Variants in PCDHA6 observed in about 807,000 individuals in gnomAD.
The protein encoded by PCDHA6 is protocadherin alpha 6, also known as protocadherin alpha-6.
PCDHA6 carries 55 observed loss-of-function variants against 60.3 expected under a neutral mutation model. The ratio of observed to expected loss-of-function variants is 0.91; its 90% CI spans 0.73 to 1.14. The LOEUF (loss-of-function observed/expected upper bound fraction) is 1.14. Ranked by LOEUF, PCDHA6 falls within the 50% of genes most tolerant of loss-of-function variation. The pLI, the probability that PCDHA6 is intolerant of heterozygous loss-of-function variation, is 0.00. For synonymous variants in PCDHA6, 652 were observed against 557.9 expected (o/e 1.17, Z -2.38); for missense variants, 1,327 against 1,256.5 (o/e 1.06, Z -0.85).
rs1489992894 is a variant in PCDHA6, at chr5:140,841,079, G to A, written c.2394+10594G>A. ...AAATTATGATAAAGAAATAGAAAGT[G>A]CATAGAAGAACCCAGATATTGCGGA... On this transcript the variant is annotated intron_variant, in intron 1 of 3. Transcript: ENST00000529310. 3.0e-5 allele frequency: 16 copies of A among 535,434 alleles called. No homozygotes were observed. The East Asian group carries it at 5.1e-4, about 17-fold the overall frequency. 33.2% of individuals were successfully genotyped at this position (535,434 alleles called of 1,614,324 possible). A position where few individuals can be genotyped will look rare whatever the true frequency, so the allele number is the denominator to read the frequency against.
At chr5:141,001,624 CG>C (rs1335079944) in intron 3 of PCDHA6, among the ~76,000 whole-genome samples, 1 of 151,678 alleles carries the variant, frequency 6.6e-6, no homozygotes, top group African/African-American at 2.4e-5. Context: ...AAAGGACTGG[CG>C]GGGGTTGGGG....
chr5:140,881,456 T>C, intron 1 of PCDHA6: 1 of 690,256 alleles, frequency 1.4e-6, no homozygotes, highest in Non-Finnish European at 1.8e-6. Context: ...TCCAAAACCT[T>C]AGAGCATTGT....
intron 3 of PCDHA6, among the ~76,000 whole-genome samples, chr5:140,989,845 T>C (rs1180098230): frequency 2.6e-5 from 4 of 152,118 alleles, no homozygotes; most frequent in Non-Finnish European, 5.9e-5. Flanking sequence ...AATGAGTGTG[T>C]GGACTGGAGA....
chr5:140,927,614 A>G (rs1554204810), intron 1 of PCDHA6: 10 of 1,614,204 alleles, frequency 6.2e-6, no homozygotes, highest in South Asian at 1.1e-5. Flanking sequence ...TACCGCACCA[A>G]GGTTCCAGAG....
At chr5:140,990,780 G>A (rs900658402) in intron 3 of PCDHA6, among the ~76,000 whole-genome samples, 20 of 152,192 alleles carry the variant, frequency 1.3e-4, no homozygotes, top group African/African-American at 4.8e-4. Flanking sequence ...CTCTGTGTTG[G>A]ACGATGAACC....
intron 1 of PCDHA6, among the ~76,000 whole-genome samples, chr5:140,943,257 CA>C (rs1238620023): frequency 1.6e-3 from 121 of 77,534 alleles, no homozygotes; most frequent in Middle Eastern, 7.2e-3. Flanking sequence ...GACTCTGTCT[CA>C]AAAAAAAAAA....
At chr5:140,843,834 G>C in intron 1 of PCDHA6, 1 of 1,102,920 alleles carries the variant, frequency 9.1e-7, no homozygotes, top group Non-Finnish European at 1.3e-6. Flanking sequence ...ACATTGTTTA[G>C]TTTTTAGAAA....
In PCDHA6 at chr5:140,877,160, C is replaced by A. The variant is rs782531082; in HGVS notation, c.2394+46675C>A. 4 of 1,613,814 alleles carry A rather than the reference C, an allele frequency of 2.5e-6. No individual in the cohort carries two copies. Among genetic ancestry groups the A allele is most frequent in the African/African-American group, 2.7e-5 (2 of 75,052 alleles). On this transcript the variant is annotated intron_variant, in intron 1 of 3. Transcript: ENST00000529310. ...GTGCTGGACGAGAACGACAACGCGC[C>A]GGCACTGCTGGCGACTCCGGCTGGC...
chr5:140,908,142 A>T (rs1371459142), intron 1 of PCDHA6, among the ~76,000 whole-genome samples: 1 of 152,158 alleles, frequency 6.6e-6, no homozygotes, highest in East Asian at 1.9e-4. Context: ...TCCTTCAGGT[A>T]TGTCCTAGGA....
intron 1 of PCDHA6, chr5:140,927,351 G>A (rs782202644): frequency 1.4e-5 from 23 of 1,614,054 alleles, no homozygotes; most frequent in Non-Finnish European, 1.9e-5. Flanking sequence ...ATGACGACGA[G>A]GGAAGCAATG....
At chr5:140,924,837 G>A (rs1310509638) in intron 1 of PCDHA6, among the ~76,000 whole-genome samples, 2 of 151,426 alleles carry the variant, frequency 1.3e-5, no homozygotes, top group African/African-American at 4.9e-5. Flanking sequence ...GGAGGTTGCA[G>A]GGAGCTCAGA....
At chr5:140,919,498 C>A (rs1433099544) in intron 1 of PCDHA6, among the ~76,000 whole-genome samples, 1 of 152,022 alleles carries the variant, frequency 6.6e-6, no homozygotes, top group Non-Finnish European at 1.5e-5. Context: ...TTATTTTACT[C>A]CTTTTTCTAT....
rs527638271 is a variant in PCDHA6, at chr5:140,882,967, G to A, written c.2394+52482G>A. 3.1e-4 allele frequency: 497 copies of A among 1,614,172 alleles called. 6 individuals are homozygous for A. In the South Asian group the frequency reaches 5.0e-3, roughly 16 times the overall value. On this transcript the variant is annotated intron_variant, in intron 1 of 3. Transcript: ENST00000529310. Reference sequence around the variant, plus strand: ...CAGTTCAGCTGCTCATCACGATTCTGGACGTGAATGACAACGCCCCGGAAT... The same window carrying A: ...CAGTTCAGCTGCTCATCACGATTCTAGACGTGAATGACAACGCCCCGGAAT...
intron 1 of PCDHA6, chr5:140,882,379 G>A (rs782537158): frequency 1.9e-6 from 3 of 1,614,230 alleles, no homozygotes; most frequent in South Asian, 1.1e-5. Context: ...CCGTCCCCGA[G>A]GAAGCAAAAC....
At chr5:140,876,861 C>T (rs2056651575) in intron 1 of PCDHA6, 6 of 1,613,970 alleles carry the variant, frequency 3.7e-6, no homozygotes, top group African/African-American at 1.3e-5. Context: ...ACACAGTGTT[C>T]GTGAAGGAGA....
At chr5:140,902,185 TTC>T (rs370111655) in intron 1 of PCDHA6, among the ~76,000 whole-genome samples, 3 of 150,766 alleles carry the variant, frequency 2.0e-5, no homozygotes, top group South Asian at 2.1e-4. Flanking sequence ...CCTTTATGTC[TTC>T]TCTCTCTCTC....
chr5:140,908,490 G>T (rs149646315), intron 1 of PCDHA6, among the ~76,000 whole-genome samples: 3,582 of 152,250 alleles, frequency 0.024, 49 homozygotes, highest in Middle Eastern at 0.034. Flanking sequence ...GGCAGTTCAG[G>T]TTGCTTGGTG....
chr5:140,835,368 C>T, intron 1 of PCDHA6: 2 of 1,613,924 alleles, frequency 1.2e-6, no homozygotes, highest in Non-Finnish European at 1.7e-6. Context: ...AGGCTTCCCA[C>T]CCCTGGCTGG....
At chr5:140,849,211 C>A in intron 1 of PCDHA6, 1 of 1,031,972 alleles carries the variant, frequency 9.7e-7, no homozygotes, top group East Asian at 2.6e-5. Context: ...AATGACAATG[C>A]CCCAGTGTTC....
Sources: allele counts gnomAD v4.1 joint callset (sites outside exome capture counted in the v4.1 genomes callset), GRCh38; gene constraint gnomAD v4.1.1; transcripts MANE v1.5; gene names NCBI Gene and HGNC (gene_info 2026-07-23, HGNC 2026-07-21).